The following ACTR1A variants were observed in gnomAD, a reference collection of about 807,000 sequenced individuals.
The protein encoded by ACTR1A is alpha-centractin.
A neutral mutation model predicts 50.7 loss-of-function variants in ACTR1A; 10 were observed. That is an observed-to-expected ratio of 0.20 (90% CI 0.12 to 0.33). The LOEUF is 0.33. Among genes scored for constraint, ACTR1A ranks in the 10% least tolerant of loss-of-function variants. The pLI, the probability that ACTR1A is intolerant of heterozygous loss-of-function variation, is 1.00. For missense variants in ACTR1A, 253 were observed against 491.7 expected, an observed-to-expected ratio of 0.51 and a Z score of 4.59; for synonymous variants, 177 against 184.2, an observed-to-expected ratio of 0.96 and a Z score of 0.32.
chr10:102,485,780 A>G lies in ACTR1A; in HGVS notation c.316-47T>C, dbSNP rs146371188. 184 of 1,608,052 alleles carry G rather than the reference A, an allele frequency of 1.1e-4. 1 individual carries two copies. In the East Asian group the frequency reaches 3.6e-3, roughly 31 times the overall value. ...ACAATGAGGCCAAGGCCAGATTTCC[A>G]TCTTCATTAGTCTTAGGGGAGAAGA... On this transcript the variant is annotated intron_variant, in intron 4 of 10. Coordinates refer to ENST00000369905, the MANE Select transcript of ACTR1A (RefSeq NM_005736.4).
rs1437014546 is a variant in ACTR1A, at chr10:102,480,758, C to T, written c.*105G>A. 2.1e-6 allele frequency: 2 copies of T among 931,960 alleles called. No individual in the cohort carries two copies. The highest frequency in any genetic ancestry group is 3.2e-5 in the African/African-American group (2 of 61,986). 57.7% of individuals were successfully genotyped at this position (931,960 alleles called of 1,614,324 possible). Reference sequence around the variant, plus strand: ...GCATGTGCACACACACTCATATCCACACACGCACTCACACACAGGCAGTTC... The same window carrying T: ...GCATGTGCACACACACTCATATCCATACACGCACTCACACACAGGCAGTTC... On this transcript the variant is annotated 3_prime_UTR_variant, in exon 11 of 11. Coordinates refer to ENST00000369905, the MANE Select transcript of ACTR1A (RefSeq NM_005736.4).
chr10:102,484,816 G>A (rs568997184), intron 5 of ACTR1A, among the ~76,000 whole-genome samples: 42 of 152,278 alleles, frequency 2.8e-4, no homozygotes, highest in Non-Finnish European at 4.0e-4. Context: ...TTGAGAGCCC[G>A]GGGACCTTTG....
Position 102,482,007 on chromosome 10 carries a change from A to C in ACTR1A, c.919T>G (p.Phe307Val). Residue 307 changes from phenylalanine (F) to valine (V), a missense_variant, in exon 8 of 11, where the codon TTC (phenylalanine) becomes GTC (valine). Phe to Val is a conservative substitution (Grantham distance 50). Transcript: ENST00000369905. The surrounding 1 kb of genome is among the most constrained non-coding windows in gnomAD (Gnocchi z 5.6). ...NIVLSGGSTL[F>V]KGFGDRLLSE... is the part of the protein sequence containing the mutation. ...TCCAAGAGAAGAGACAAACCTTTGAACAGGGTAGAGCCTCCTGAGAGGACA... is the reference window on the plus strand; with the variant it reads ...TCCAAGAGAAGAGACAAACCTTTGACCAGGGTAGAGCCTCCTGAGAGGACA... 1 of 1,614,210 alleles carries C rather than the reference A, an allele frequency of 6.2e-7. No homozygotes were observed. The highest frequency in any genetic ancestry group is 1.1e-5 in the South Asian group (1 of 91,086).
chr10:102,483,270 C>T, intron 6 of ACTR1A, 167 bp from the exon 7 acceptor site: 2 of 627,958 alleles, frequency 3.2e-6, no homozygotes, highest in South Asian at 1.9e-5. Context: ...TCTCTGTTGG[C>T]CTTCACTGGG....
chr10:102,493,843 T>C (rs1408321176), intron 1 of ACTR1A, among the ~76,000 whole-genome samples: 1 of 152,332 alleles, frequency 6.6e-6, no homozygotes, highest in East Asian at 1.9e-4. Context: ...ACCTAAAGTA[T>C]GGAACCTGAA....
At chr10:102,490,310 A>T (rs1208556232) in intron 2 of ACTR1A, among the ~76,000 whole-genome samples, 2 of 151,988 alleles carry the variant, frequency 1.3e-5, no homozygotes, top group Non-Finnish European at 2.9e-5. Context: ...AGAATTTTAA[A>T]AGGAGGGCTC....
intron 6 of ACTR1A, chr10:102,483,380 C>T: frequency 2.5e-6 from 1 of 392,484 alleles, no homozygotes; most frequent in Non-Finnish European, 4.6e-6. Context: ...AACCTAAGTT[C>T]AGCCCAGGCC....
intron 1 of ACTR1A, among the ~76,000 whole-genome samples, chr10:102,494,880 G>A (rs1165687861): frequency 6.6e-6 from 1 of 151,968 alleles, no homozygotes; most frequent in African/African-American, 2.4e-5. Context: ...GCACAATCTC[G>A]GCTCACTGTA....
intron 2 of ACTR1A, among the ~76,000 whole-genome samples, chr10:102,489,820 C>CA (rs977946719): frequency 4.6e-5 from 7 of 150,850 alleles, no homozygotes; most frequent in East Asian, 2.0e-4. Flanking sequence ...TCTCAGAAAA[C>CA]AAAAAAAACT....
rs756310401 is a variant in ACTR1A, at chr10:102,489,090, G to C, written c.162C>G (p.Gly54=). 5.0e-6 allele frequency: 8 copies of C among 1,587,934 alleles called. No homozygotes were observed. The Admixed American group carries it at 1.2e-4, about 25-fold the overall frequency. The change falls in exon 3 of 11, where the codon GGC becomes GGG. Residue 54 remains glycine (G), a synonymous_variant. Transcript: ENST00000369905. ...HVRVMAGALE[G]DIFIGPKAEE... is the part of the protein sequence containing the mutation. ...CAGCTTTGGGGCCAATGAAGATGTCGCCTTCAAGGGCTCCTGCCATGACAC... is the reference window on the plus strand; with the variant it reads ...CAGCTTTGGGGCCAATGAAGATGTCCCCTTCAAGGGCTCCTGCCATGACAC...
In ACTR1A at chr10:102,481,126, A is replaced by C. The variant is rs773782504; in HGVS notation, c.1028+6T>G. ...TTCTGTTCTTACTCCTGGAAGAGCT[A>C]CTCACCCAATCCACGTGGAATACAG... On this transcript the variant is annotated splice_donor_region_variant and intron_variant, in intron 10 of 10. Transcript: ENST00000369905. The C allele has an allele frequency of 5.6e-6, 9 of 1,607,646 alleles. No homozygotes were observed. In the Admixed American group the frequency reaches 1.5e-4, roughly 27 times the overall value.
intron 1 of ACTR1A, among the ~76,000 whole-genome samples, chr10:102,502,362 T>G: frequency 6.6e-6 from 1 of 152,248 alleles, no homozygotes; most frequent in East Asian, 1.9e-4. Context: ...GCCCAAGGAC[T>G]GGCTTGGACT....
At position 102,483,003 on chromosome 10, in the gene ACTR1A, C is replaced by A. The variant is rs770819285; in HGVS notation, c.750+8G>T. The A allele has an allele frequency of 4.3e-6, 7 of 1,610,028 alleles. No individual in the cohort carries two copies. Among genetic ancestry groups the A allele is most frequent in the Non-Finnish European group, 6.0e-6 (7 of 1,176,448 alleles). On this transcript the variant is annotated splice_region_variant and intron_variant, in intron 7 of 10. Coordinates refer to ENST00000369905, the MANE Select transcript of ACTR1A (RefSeq NM_005736.4). ...AAGGGGACCGAAGAAAGAAGGCAGG[C>A]CACCTACCTCAATGGTGCTGCCATC...
At chr10:102,487,640 T>C (rs2062174956) in intron 4 of ACTR1A, among the ~76,000 whole-genome samples, 1 of 150,886 alleles carries the variant, frequency 6.6e-6, no homozygotes, top group African/African-American at 2.4e-5. Flanking sequence ...TCTTTTTTTT[T>C]TTTTTTTTTG....
chr10:102,483,267 T>G (rs1202169560), intron 6 of ACTR1A, 164 bp from the exon 7 acceptor site: 1 of 629,930 alleles, frequency 1.6e-6, no homozygotes, highest in Non-Finnish European at 2.9e-6. Context: ...AGGTCTCTGT[T>G]GGCCTTCACT....
intron 10 of ACTR1A, 48 bp from the exon 11 acceptor site, chr10:102,481,013 G>A: frequency 6.3e-7 from 1 of 1,582,204 alleles, no homozygotes; most frequent in Non-Finnish European, 8.7e-7. Context: ...AAGTGGCTGT[G>A]TGTGGAGCCT....
At chr10:102,500,928 AG>A (rs982258941) in intron 1 of ACTR1A, among the ~76,000 whole-genome samples, 55 of 150,938 alleles carry the variant, frequency 3.6e-4, no homozygotes, top group African/African-American at 1.3e-3. Context: ...AAAATTAGCC[AG>A]GGGTGGTGGC....
chr10:102,480,793 A>G lies in ACTR1A; in HGVS notation c.*70T>C, dbSNP rs1477740409. The G allele has an allele frequency of 1.6e-6, 2 of 1,287,986 alleles. No individual in the cohort carries two copies. Among genetic ancestry groups the G allele is most frequent in the Non-Finnish European group, 2.3e-6 (2 of 884,400 alleles). 79.8% of individuals were successfully genotyped at this position (1,287,986 alleles called of 1,614,324 possible). ...CACACACAGGCAGTTCCTCGCAAACACTCCGACTCAAGAAAGCGAGTTTTA... is the reference window on the plus strand; with the variant it reads ...CACACACAGGCAGTTCCTCGCAAACGCTCCGACTCAAGAAAGCGAGTTTTA... On this transcript the variant is annotated 3_prime_UTR_variant, in exon 11 of 11. Transcript: ENST00000369905.
intron 1 of ACTR1A, among the ~76,000 whole-genome samples, chr10:102,497,171 GAAAAAAA>G (rs968687001): frequency 2.8e-3 from 198 of 69,770 alleles, no homozygotes; most frequent in Middle Eastern, 0.011. Context: ...TCCATCTCAG[GAAAAAAA>G]AAAAAAAAAA....
Sources: allele counts gnomAD v4.1 joint callset (sites outside exome capture counted in the v4.1 genomes callset), GRCh38; gene constraint gnomAD v4.1.1; non-coding constraint Gnocchi (gnomAD v3.1); transcripts MANE v1.5; gene names NCBI Gene and HGNC (gene_info 2026-07-23, HGNC 2026-07-21).